The following DOCK3 variants were observed in gnomAD, a reference collection of about 807,000 sequenced individuals.
DOCK3 encodes the protein dedicator of cytokinesis protein 3.
A neutral mutation model predicts 265.6 loss-of-function variants in DOCK3; 60 were observed. The observed-to-expected ratio is 0.23, with a 90% confidence interval of 0.18 to 0.28. The LOEUF is 0.28. DOCK3 is among the 10% of genes least tolerant of loss of function. The pLI is 1.00. For missense variants in DOCK3, 1,981 were observed against 2,594.3 expected, an observed-to-expected ratio of 0.76 and a Z score of 5.14; for synonymous variants, 881 against 938.0, an observed-to-expected ratio of 0.94 and a Z score of 1.11.
intron 2 of DOCK3, among the ~76,000 whole-genome samples, chr3:50,800,947 T>C (rs966157171): frequency 1.3e-5 from 2 of 152,228 alleles, no homozygotes; most frequent in African/African-American, 4.8e-5. Flanking sequence ...GTTGTTTAGT[T>C]TCCATGCATT....
rs571680060 is a variant in DOCK3 at position 50,771,567 on chromosome 3, A to C, written c.38-7108A>C. Among the ~76,000 whole-genome samples, 4 of 152,238 alleles carry C rather than the reference A, an allele frequency of 2.6e-5. No homozygotes were observed. In the South Asian group the frequency reaches 6.2e-4, roughly 24 times the overall value. On this transcript the variant is annotated intron_variant, in intron 1 of 52. Coordinates refer to ENST00000266037, the MANE Select transcript of DOCK3 (RefSeq NM_004947.5). ...TCCTCTGAAAACTAAAACTAGAGCT[A>C]CTGGCCGGGTGTGGTGGCTCACACC...
At chr3:50,974,578 T>C (rs1203885297) in intron 5 of DOCK3, among the ~76,000 whole-genome samples, 2 of 150,806 alleles carry the variant, frequency 1.3e-5, no homozygotes, top group Non-Finnish European at 3.0e-5. Context: ...TAGTGTGATG[T>C]CTCCAGCTTT....
At chr3:51,197,164 A>G (rs1560193376) in intron 12 of DOCK3, among the ~76,000 whole-genome samples, 1 of 152,188 alleles carries the variant, frequency 6.6e-6, no homozygotes, top group Non-Finnish European at 1.5e-5. Context: ...TGGATAGGTT[A>G]CGGTACAGTT....
rs1398311377 is a variant in DOCK3, at chr3:51,016,940, TG to T, written c.316-47507del. The stretch of plus-strand genomic sequence containing the variant: ...TAAATATATTAATATATACAATATA[TG>T]TTATATATAATATATATATTATATA... On this transcript the variant is annotated intron_variant, in intron 5 of 52. Transcript: ENST00000266037. 7.9e-5 allele frequency among the ~76,000 whole-genome samples: 5 copies of T among 62,944 alleles called. 1 individual carries two copies. The highest frequency in any genetic ancestry group is 3.8e-4 in the African/African-American group (5 of 13,088). The allele number at this position is 62,944 out of a possible 152,430, so 41.3% of individuals were successfully genotyped here. A position where few individuals can be genotyped will look rare whatever the true frequency, so the allele number is the denominator to read the frequency against.
intron 23 of DOCK3, 147 bp downstream of exon 23, chr3:51,260,473 A>G (rs1181666282): frequency 9.8e-7 from 1 of 1,015,766 alleles, no homozygotes; most frequent in Middle Eastern, 3.4e-4. Flanking sequence ...ACCTGATACA[A>G]CAAAATGCTG....
chr3:50,927,778 T>C (rs1169372965), intron 4 of DOCK3, among the ~76,000 whole-genome samples: 1 of 152,142 alleles, frequency 6.6e-6, no homozygotes, highest in Non-Finnish European at 1.5e-5. Context: ...ATCCATCATT[T>C]TACACTCACC....
intron 5 of DOCK3, among the ~76,000 whole-genome samples, chr3:51,021,743 C>G (rs1055705678): frequency 1.3e-5 from 2 of 149,616 alleles, no homozygotes; most frequent in African/African-American, 2.5e-5. Context: ...CTCACTGCAA[C>G]TTCCGCCTCC....
intron 12 of DOCK3, among the ~76,000 whole-genome samples, chr3:51,196,948 C>CTAA: frequency 6.6e-6 from 1 of 152,168 alleles, no homozygotes; most frequent in East Asian, 1.9e-4. Flanking sequence ...TTTCCTGTGT[C>CTAA]ATTACATTGA....
chr3:51,033,925 T>C (rs373811957), intron 5 of DOCK3, among the ~76,000 whole-genome samples: 2 of 152,334 alleles, frequency 1.3e-5, no homozygotes, highest in East Asian at 1.9e-4. Context: ...GATTTCACCA[T>C]TCTTCCACTT....
intron 5 of DOCK3, among the ~76,000 whole-genome samples, chr3:51,024,931 C>A (rs1044328830): frequency 6.6e-6 from 1 of 152,164 alleles, no homozygotes; most frequent in African/African-American, 2.4e-5. Flanking sequence ...TTGCCGAGGT[C>A]ATGCAGCTGT....
chr3:50,858,074 T>C (rs1228799937), intron 3 of DOCK3, among the ~76,000 whole-genome samples: 1 of 152,184 alleles, frequency 6.6e-6, no homozygotes, highest in Non-Finnish European at 1.5e-5. Context: ...GTGGCACATA[T>C]ATACCATGGA....
chr3:51,335,004 C>T (rs2084768364), intron 35 of DOCK3, among the ~76,000 whole-genome samples: 1 of 152,178 alleles, frequency 6.6e-6, no homozygotes, highest in African/African-American at 2.4e-5. Flanking sequence ...GTCCCCAGTA[C>T]TCATGCCCTA....
intron 5 of DOCK3, among the ~76,000 whole-genome samples, chr3:51,046,692 G>C (rs2080789155): frequency 6.6e-6 from 1 of 152,002 alleles, no homozygotes; most frequent in Non-Finnish European, 1.5e-5. Flanking sequence ...AAATCAATGA[G>C]ACAGCAGTCC....
intron 2 of DOCK3, among the ~76,000 whole-genome samples, chr3:50,786,193 C>G (rs1221072516): frequency 1.3e-5 from 2 of 152,070 alleles, no homozygotes; most frequent in African/African-American, 2.4e-5. Context: ...TGGATTTTCT[C>G]TCTTCTTGGT....
intron 1 of DOCK3, among the ~76,000 whole-genome samples, chr3:50,709,148 A>G (rs1351893450): frequency 2.0e-5 from 3 of 152,218 alleles, no homozygotes; most frequent in Non-Finnish European, 4.4e-5. Context: ...TGTTAGTTCA[A>G]TTCTATTTAT....
chr3:51,339,067 G>A, intron 37 of DOCK3, 39 bp downstream of exon 37: 1 of 1,494,938 alleles, frequency 6.7e-7, no homozygotes, highest in Non-Finnish European at 9.0e-7. Context: ...TGACCATGAG[G>A]ACAAACTGAA....
At chr3:51,165,987 A>G (rs2086385594) in intron 12 of DOCK3, among the ~76,000 whole-genome samples, 1 of 149,386 alleles carries the variant, frequency 6.7e-6, no homozygotes, top group Admixed American at 6.7e-5. Context: ...TTGTAATTAT[A>G]TATTCTTTAT....
At chr3:50,859,735 TTTTTGGTGTTGAAG>T (rs1435932853) in intron 3 of DOCK3, among the ~76,000 whole-genome samples, 8 of 152,126 alleles carry the variant, frequency 5.3e-5, no homozygotes, top group Non-Finnish European at 1.0e-4. Context: ...TAGTGAGGTA[TTTTTGGTGTTGAAG>T]TTTTGGGATA....
At chr3:50,893,445 CAT>C (rs1217186222) in intron 4 of DOCK3, among the ~76,000 whole-genome samples, 1 of 151,958 alleles carries the variant, frequency 6.6e-6, no homozygotes, top group South Asian at 2.1e-4. Flanking sequence ...AAGAATCAAA[CAT>C]AAATTCTGGA....
Sources: gnomAD v4.1 joint callset for allele counts (sites outside exome capture counted in the v4.1 genomes callset) on GRCh38, gnomAD v4.1.1 for gene constraint, MANE v1.5 for transcripts, NCBI Gene and HGNC (gene_info 2026-07-23, HGNC 2026-07-21) for gene names.